The following RBPJ variants were observed in gnomAD, a reference collection of about 807,000 sequenced individuals.
RBPJ encodes recombining binding protein suppressor of hairless.
A neutral mutation model predicts 67.8 loss-of-function variants in RBPJ; 9 were observed. The observed-to-expected ratio is 0.13, with a 90% confidence interval of 0.08 to 0.23. The LOEUF (loss-of-function observed/expected upper bound fraction) is 0.23, where lower values mean the gene tolerates loss of function less well. Among genes scored for constraint, RBPJ ranks in the 10% least tolerant of loss-of-function variants. The pLI, the probability that RBPJ is intolerant of heterozygous loss-of-function variation, is 1.00. For synonymous variants in RBPJ, 198 were observed against 203.3 expected, an observed-to-expected ratio of 0.97 and a Z score of 0.22; for missense variants, 305 against 595.6, an observed-to-expected ratio of 0.51 and a Z score of 5.08.
At chr4:26,345,260 A>G (rs962676633) in intron 1 of RBPJ, among the ~76,000 whole-genome samples, 7 of 152,230 alleles carry the variant, frequency 4.6e-5, no homozygotes, top group Non-Finnish European at 8.8e-5. Context: ...GGGGCTAGAG[A>G]TCTCTTTGTG....
At chr4:26,227,384 G>T (rs1413436448) in intron 1 of RBPJ, among the ~76,000 whole-genome samples, 3 of 152,126 alleles carry the variant, frequency 2.0e-5, no homozygotes, top group South Asian at 2.1e-4. Context: ...AATAATAATG[G>T]CTACTTCAAA....
intron 1 of RBPJ, among the ~76,000 whole-genome samples, chr4:26,214,936 G>A: frequency 8.7e-6 from 1 of 114,620 alleles, no homozygotes; most frequent in Non-Finnish European, 1.7e-5. Context: ...AAGGAAGGAG[G>A]GAGGGAGGAA....
At chr4:26,211,150 C>T (rs1040877141) in intron 1 of RBPJ, among the ~76,000 whole-genome samples, 8 of 152,016 alleles carry the variant, frequency 5.3e-5, no homozygotes, top group Non-Finnish European at 1.0e-4. Flanking sequence ...GTCTGTAAAC[C>T]CTCTGAAATT....
intron 1 of RBPJ, among the ~76,000 whole-genome samples, chr4:26,199,473 C>G (rs1178042411): frequency 1.3e-5 from 2 of 152,204 alleles, no homozygotes; most frequent in Admixed American, 1.3e-4. Context: ...AAAATACACA[C>G]ACATGTCAGA....
chr4:26,278,241 G>T (rs1485353433), intron 1 of RBPJ, among the ~76,000 whole-genome samples: 1 of 152,078 alleles, frequency 6.6e-6, no homozygotes, highest in Admixed American at 6.6e-5. Context: ...AAAAAGTAAA[G>T]TCACGTCTGT....
intron 1 of RBPJ, among the ~76,000 whole-genome samples, chr4:26,202,978 G>GAAGGAAAT (rs1313578104): frequency 7.4e-5 from 1 of 13,596 alleles, no homozygotes; most frequent in Non-Finnish European, 1.8e-4. Context: ...AATAAGGAAG[G>GAAGGAAAT]AAGGAAGGAA....
intron 1 of RBPJ, among the ~76,000 whole-genome samples, chr4:26,327,542 G>GTTT (rs11350013): frequency 8.0e-4 from 84 of 104,898 alleles, no homozygotes; most frequent in East Asian, 2.0e-3. Flanking sequence ...GACCCTGGAG[G>GTTT]TTTTTTTTTT....
At chr4:26,284,240 T>C (rs1002716391) in intron 1 of RBPJ, among the ~76,000 whole-genome samples, 3 of 152,228 alleles carry the variant, frequency 2.0e-5, no homozygotes, top group African/African-American at 7.2e-5. Flanking sequence ...ACACCCTATT[T>C]CATCTGAACA....
At chr4:26,405,453 TTGAG>T (rs1317724643) in intron 2 of RBPJ, among the ~76,000 whole-genome samples, 1 of 152,182 alleles carries the variant, frequency 6.6e-6, no homozygotes, top group East Asian at 1.9e-4. Context: ...AGCAAAACAA[TTGAG>T]TATGTAAATA....
At chr4:26,246,412 T>G (rs1313290152) in intron 1 of RBPJ, among the ~76,000 whole-genome samples, 1 of 152,190 alleles carries the variant, frequency 6.6e-6, no homozygotes, top group African/African-American at 2.4e-5. Flanking sequence ...CCATAACATT[T>G]AAGAATGTAA....
chr4:26,220,756 G>A (rs865891708), intron 1 of RBPJ, among the ~76,000 whole-genome samples: 32 of 152,324 alleles, frequency 2.1e-4, no homozygotes, highest in Non-Finnish European at 3.8e-4. Flanking sequence ...CACAGATGAG[G>A]AACCAGAGGC....
intron 1 of RBPJ, among the ~76,000 whole-genome samples, chr4:26,255,672 G>A (rs896947725): frequency 6.6e-6 from 1 of 151,368 alleles, no homozygotes; most frequent in African/African-American, 2.4e-5. Flanking sequence ...CGTGGTGGCA[G>A]GTGCCTGTAG....
At chr4:26,246,260 G>A (rs1266009129) in intron 1 of RBPJ, among the ~76,000 whole-genome samples, 2 of 152,100 alleles carry the variant, frequency 1.3e-5, no homozygotes, top group Admixed American at 6.6e-5. Context: ...CATAGTTTCT[G>A]GTGTTTAGGA....
chr4:26,230,069 A>T (rs1719223790), intron 1 of RBPJ, among the ~76,000 whole-genome samples: 1 of 151,992 alleles, frequency 6.6e-6, no homozygotes, highest in African/African-American at 2.4e-5. Flanking sequence ...GTGCACCTAT[A>T]ATCTCAGCTA....
intron 1 of RBPJ, among the ~76,000 whole-genome samples, chr4:26,367,221 G>C (rs1413585398): frequency 6.6e-6 from 1 of 152,018 alleles, no homozygotes. Flanking sequence ...AGTTGCTCAC[G>C]CCTGTAATCC....
chr4:26,162,582 A>G (rs1716111964), upstream of RBPJ, among the ~76,000 whole-genome samples: 1 of 152,264 alleles, frequency 6.6e-6, no homozygotes, highest in Non-Finnish European at 1.5e-5. Flanking sequence ...AATCTTCACA[A>G]GAATCCTAGG....
chr4:26,244,252 CAT>C (rs1553852695), intron 1 of RBPJ, among the ~76,000 whole-genome samples: 1 of 1,416 alleles, frequency 7.1e-4, no homozygotes, highest in Non-Finnish European at 1.5e-3. Flanking sequence ...TATGTGTACA[CAT>C]ACACATATGT....
chr4:26,266,026 T>C (rs1720693430), intron 1 of RBPJ, among the ~76,000 whole-genome samples: 1 of 149,506 alleles, frequency 6.7e-6, no homozygotes, highest in Non-Finnish European at 1.5e-5. Flanking sequence ...AGCAAGACTG[T>C]ATCTCAAAAA....
intron 1 of RBPJ, among the ~76,000 whole-genome samples, chr4:26,207,153 T>C (rs890709776): frequency 3.3e-5 from 5 of 152,192 alleles, no homozygotes; most frequent in Non-Finnish European, 7.3e-5. Flanking sequence ...GATTCTGAAA[T>C]GGAAAACCTT....
Sources: allele counts gnomAD v4.1 joint callset (sites outside exome capture counted in the v4.1 genomes callset), GRCh38; gene constraint gnomAD v4.1.1; transcripts MANE v1.5; gene names NCBI Gene and HGNC (gene_info 2026-07-23, HGNC 2026-07-21).